The following TMEM132D variants were observed in gnomAD, a reference collection of about 807,000 sequenced individuals.
The protein encoded by TMEM132D is transmembrane protein 132D, also known as mature OL transmembrane protein.
Under a neutral mutation model 62.3 loss-of-function variants are expected in TMEM132D, and 21 were observed. That is an observed-to-expected ratio of 0.34 (90% CI 0.24 to 0.49). The LOEUF (loss-of-function observed/expected upper bound fraction) is 0.49. Ranked by LOEUF, TMEM132D falls within the 20% of genes least tolerant of loss-of-function variation. TMEM132D has a pLI of 0.99. For missense variants in TMEM132D, 1,346 were observed against 1,402.8 expected (o/e 0.96, Z 0.65); for synonymous variants, 621 against 575.6 (o/e 1.08, Z -1.13).
At chr12:129,413,376 A>G (rs1872025722) in intron 3 of TMEM132D, among the ~76,000 whole-genome samples, 1 of 152,160 alleles carries the variant, frequency 6.6e-6, no homozygotes, top group Admixed American at 6.5e-5. Context: ...GCCTTCTGCT[A>G]TGATTGTGAG....
At chr12:129,751,599 A>G (rs937851172) in intron 1 of TMEM132D, among the ~76,000 whole-genome samples, 2 of 152,246 alleles carry the variant, frequency 1.3e-5, no homozygotes, top group African/African-American at 4.8e-5. Flanking sequence ...TTGTTAAAAC[A>G]TAAAGATAAC....
At chr12:129,832,530 G>C (rs925660171) in intron 1 of TMEM132D, among the ~76,000 whole-genome samples, 1 of 152,014 alleles carries the variant, frequency 6.6e-6, no homozygotes, top group Non-Finnish European at 1.5e-5. Flanking sequence ...TGACATCCTC[G>C]CAGCTTCCCC....
At chr12:129,219,855 C>T (rs1363877545) in intron 4 of TMEM132D, among the ~76,000 whole-genome samples, 1 of 152,200 alleles carries the variant, frequency 6.6e-6, no homozygotes, top group African/African-American at 2.4e-5. Flanking sequence ...GAAGGCTCCA[C>T]ATCAGTAGGG....
chr12:129,186,844 A>G lies in TMEM132D; in HGVS notation c.1443+22676T>C, dbSNP rs150288619. On this transcript the variant is annotated intron_variant, in intron 5 of 8. Coordinates refer to ENST00000422113, the MANE Select transcript of TMEM132D (RefSeq NM_133448.3). Reference sequence around the variant, plus strand: ...AAAGTGACAATTCCATTTTTTCAGAACTGATTTTGTCTAATGCTAACATTT... The same window carrying G: ...AAAGTGACAATTCCATTTTTTCAGAGCTGATTTTGTCTAATGCTAACATTT... Among the ~76,000 whole-genome samples the G allele has an allele frequency of 2.9e-4, 44 of 152,344 alleles. No homozygotes were observed. In the East Asian group the frequency reaches 4.8e-3, roughly 17 times the overall value.
intron 1 of TMEM132D, among the ~76,000 whole-genome samples, chr12:129,865,281 G>T (rs1034331948): frequency 1.3e-5 from 2 of 152,198 alleles, no homozygotes; most frequent in African/African-American, 4.8e-5. Context: ...AGAAGGAAAT[G>T]AACTTGGAGG....
intron 3 of TMEM132D, among the ~76,000 whole-genome samples, chr12:129,382,908 G>A (rs1217424297): frequency 6.6e-6 from 1 of 152,150 alleles, no homozygotes; most frequent in African/African-American, 2.4e-5. Context: ...TATTCAATCT[G>A]TACCTTCCTG....
chr12:129,292,681 T>G (rs962033118), intron 4 of TMEM132D, among the ~76,000 whole-genome samples: 1 of 152,164 alleles, frequency 6.6e-6, no homozygotes, highest in Non-Finnish European at 1.5e-5. Context: ...ATTGATAATA[T>G]TGAAGATTAC....
intron 2 of TMEM132D, among the ~76,000 whole-genome samples, chr12:129,544,693 A>T (rs1876682689): frequency 6.6e-6 from 1 of 152,218 alleles, no homozygotes; most frequent in South Asian, 2.1e-4. Flanking sequence ...ATAACTTTTC[A>T]GTTTGCAGAA....
chr12:129,084,956 C>T, intron 5 of TMEM132D: 1 of 547,096 alleles, frequency 1.8e-6, no homozygotes, highest in East Asian at 3.1e-5. Context: ...TTGGTGGACT[C>T]CTCCCCAGGG....
intron 5 of TMEM132D, among the ~76,000 whole-genome samples, chr12:129,133,587 C>A (rs2135526130): frequency 6.6e-6 from 1 of 152,320 alleles, no homozygotes; most frequent in South Asian, 2.1e-4. Flanking sequence ...TATTGGAAGA[C>A]CTGAGGATAG....
At chr12:129,623,483 G>T (rs1879125727) in intron 2 of TMEM132D, among the ~76,000 whole-genome samples, 1 of 151,858 alleles carries the variant, frequency 6.6e-6, no homozygotes, top group Non-Finnish European at 1.5e-5. Context: ...CTATGACTTT[G>T]CATACCCATA....
chr12:129,743,281 T>C (rs1282517014), intron 1 of TMEM132D, among the ~76,000 whole-genome samples: 1 of 152,214 alleles, frequency 6.6e-6, no homozygotes, highest in African/African-American at 2.4e-5. Context: ...TGAATTGCAG[T>C]TCCCATACTC....
At chr12:129,565,591 T>C (rs562363081) in intron 2 of TMEM132D, among the ~76,000 whole-genome samples, 3 of 152,226 alleles carry the variant, frequency 2.0e-5, no homozygotes, top group South Asian at 4.1e-4. Flanking sequence ...GAGGGGGTCA[T>C]TCAATGGGTT....
rs553922269 is a variant in TMEM132D, at chr12:129,333,466, C to T, written c.1299+4168G>A. Among the ~76,000 whole-genome samples the T allele has an allele frequency of 1.2e-4, 18 of 152,254 alleles. No homozygotes were observed. In the South Asian group the frequency reaches 1.2e-3, roughly 11 times the overall value. On this transcript the variant is annotated intron_variant, in intron 4 of 8. Coordinates refer to ENST00000422113, the MANE Select transcript of TMEM132D (RefSeq NM_133448.3). ...TGTGTGGTAGTGTCATGGAGATATACGGGGAACTTTTTGTTTGGGACTAAA... is the reference window on the plus strand; with the variant it reads ...TGTGTGGTAGTGTCATGGAGATATATGGGGAACTTTTTGTTTGGGACTAAA...
intron 2 of TMEM132D, among the ~76,000 whole-genome samples, chr12:129,548,184 T>C (rs1876792201): frequency 1.3e-5 from 2 of 152,154 alleles, no homozygotes; most frequent in Non-Finnish European, 2.9e-5. Context: ...GGCCTGGCCT[T>C]GGGGTTCCCG....
At chr12:129,302,875 A>T (rs1191276650) in intron 4 of TMEM132D, among the ~76,000 whole-genome samples, 4 of 152,212 alleles carry the variant, frequency 2.6e-5, no homozygotes, top group Non-Finnish European at 5.9e-5. Context: ...AGCAAGGGAC[A>T]GAGGCCTGGA....
At chr12:129,272,299 G>T (rs548011901) in intron 4 of TMEM132D, among the ~76,000 whole-genome samples, 1 of 151,798 alleles carries the variant, frequency 6.6e-6, no homozygotes, top group Admixed American at 6.6e-5. Context: ...TAAGTTGTGT[G>T]TGCATCAAAT....
At chr12:129,395,962 A>AAT (rs34665010) in intron 3 of TMEM132D, among the ~76,000 whole-genome samples, 1 of 142,392 alleles carries the variant, frequency 7.0e-6, no homozygotes, top group Admixed American at 7.0e-5. Flanking sequence ...AATAATATAT[A>AAT]ATATATATCA....
chr12:129,350,129 A>C (rs1869818401), intron 3 of TMEM132D, among the ~76,000 whole-genome samples: 1 of 152,226 alleles, frequency 6.6e-6, no homozygotes, highest in African/African-American at 2.4e-5. Context: ...ACCTTTCTTA[A>C]CTACAGGCCT....
Sources: allele counts gnomAD v4.1 joint callset (sites outside exome capture counted in the v4.1 genomes callset), GRCh38; gene constraint gnomAD v4.1.1; transcripts MANE v1.5; gene names NCBI Gene and HGNC (gene_info 2026-07-23, HGNC 2026-07-21).